The following SMCO4 variants were observed in gnomAD, a reference collection of about 807,000 sequenced individuals.
SMCO4 encodes the protein single-pass membrane protein with coiled-coil domains 4, also known as single-pass membrane and coiled-coil domain-containing protein 4.
Under a neutral mutation model 3.6 loss-of-function variants are expected in SMCO4, and 4 were observed. That is an observed-to-expected ratio of 1.11 (90% CI 0.54 to 2.53). The LOEUF is 2.53. Among genes scored for constraint, SMCO4 ranks in the 30% most tolerant of loss-of-function variants. The pLI is 0.02. For synonymous variants in SMCO4, 36 were observed against 35.3 expected, an observed-to-expected ratio of 1.02 and a Z score of -0.07; for missense variants, 70 against 80.8, an observed-to-expected ratio of 0.87 and a Z score of 0.51.
intron 1 of SMCO4, among the ~76,000 whole-genome samples, chr11:93,536,024 G>T (rs977538022): frequency 6.6e-6 from 1 of 152,046 alleles, no homozygotes; most frequent in Non-Finnish European, 1.5e-5. Context: ...GGTCTGTGCT[G>T]CATGGTTATA....
chr11:93,481,655 C>T (rs1020004136), intron 2 of SMCO4: 1 of 302,646 alleles, frequency 3.3e-6, no homozygotes, highest in African/African-American at 2.3e-5. Context: ...TGTAAATACC[C>T]CATGGCTTCT....
intron 1 of SMCO4, among the ~76,000 whole-genome samples, chr11:93,506,169 G>A (rs1160931942): frequency 6.6e-6 from 1 of 152,212 alleles, no homozygotes; most frequent in East Asian, 1.9e-4. Context: ...TCCGGGTAGA[G>A]GGGGCATGGA....
At chr11:93,530,176 G>T (rs1256122187) in intron 1 of SMCO4, among the ~76,000 whole-genome samples, 1 of 152,204 alleles carries the variant, frequency 6.6e-6, no homozygotes, top group African/African-American at 2.4e-5. Context: ...CCACCTGAAT[G>T]GCAGGCATGG....
chr11:93,489,423 T>G (rs1053240404), intron 2 of SMCO4, among the ~76,000 whole-genome samples: 2 of 152,132 alleles, frequency 1.3e-5, no homozygotes, highest in Admixed American at 1.3e-4. Flanking sequence ...GTTGGAAGTC[T>G]GAAGAGAGAG....
At chr11:93,497,915 A>C (rs1316495123) in intron 2 of SMCO4, among the ~76,000 whole-genome samples, 3 of 152,230 alleles carry the variant, frequency 2.0e-5, no homozygotes, top group Non-Finnish European at 4.4e-5. Flanking sequence ...ATGGTGACCA[A>C]TTAAACTGAT....
chr11:93,526,871 T>C (rs142443238), intron 1 of SMCO4, among the ~76,000 whole-genome samples: 146 of 152,318 alleles, frequency 9.6e-4, no homozygotes, highest in African/African-American at 3.1e-3. Flanking sequence ...TACAGACTAA[T>C]TCCCAAGTTC....
Position 93,478,906 on chromosome 11 carries a change from G to C in SMCO4, c.*104C>G. 1 of 1,461,290 alleles carries C rather than the reference G, an allele frequency of 6.8e-7. No individual in the cohort carries two copies. The highest frequency in any genetic ancestry group is 1.4e-5 in the South Asian group (1 of 72,464). The allele number at this position is 1,461,290 out of a possible 1,614,324, so 90.5% of individuals were successfully genotyped here. ...AGAAGACAGGGTGCTCCTGCTTACA[G>C]CTCAGCAACATGAACATCTCTGAAT... On this transcript the variant is annotated 3_prime_UTR_variant, in exon 3 of 3. Transcript: ENST00000298966.
rs115535709 is a variant in SMCO4 at position 93,521,024 on chromosome 11, T to A, written c.-153-21676A>T. ...ATTGCTATATTCAGTTTTAGGAAAC[T>A]GTTGTTTTTGATGAAAATACAAAGC... is the stretch of plus-strand genomic sequence containing the variant. On this transcript the variant is annotated intron_variant, in intron 1 of 2. Transcript: ENST00000298966. Among the ~76,000 whole-genome samples the A allele has an allele frequency of 2.8e-3, 433 of 152,356 alleles. 1 individual carries two copies. The highest frequency in any genetic ancestry group is 0.01 in the African/African-American group (417 of 41,582).
intron 1 of SMCO4, among the ~76,000 whole-genome samples, chr11:93,500,155 T>C (rs1948820540): frequency 6.6e-6 from 1 of 152,248 alleles, no homozygotes; most frequent in East Asian, 1.9e-4. Flanking sequence ...GCTTTTTGTT[T>C]TGTTTCAAAC....
At chr11:93,536,651 G>C (rs1022766804) in intron 1 of SMCO4, among the ~76,000 whole-genome samples, 1 of 152,202 alleles carries the variant, frequency 6.6e-6, no homozygotes, top group Non-Finnish European at 1.5e-5. Flanking sequence ...TATCTCTGAG[G>C]ACCTGGAGGA....
At chr11:93,501,323 C>G (rs1303450337) in intron 1 of SMCO4, among the ~76,000 whole-genome samples, 1 of 152,202 alleles carries the variant, frequency 6.6e-6, no homozygotes, top group Non-Finnish European at 1.5e-5. Context: ...ATATGAGTTT[C>G]CTGAGGCTGC....
intron 1 of SMCO4, among the ~76,000 whole-genome samples, chr11:93,518,089 C>CA (rs1949024298): frequency 1.3e-5 from 2 of 151,578 alleles, no homozygotes; most frequent in Non-Finnish European, 2.9e-5. Flanking sequence ...ATCCACTTGG[C>CA]AGTCGATCCA....
chr11:93,488,843 C>T (rs1357042306), intron 2 of SMCO4, among the ~76,000 whole-genome samples: 2 of 151,948 alleles, frequency 1.3e-5, no homozygotes, highest in Admixed American at 6.6e-5. Context: ...AAAGTCTAGA[C>T]CTTGGGGGAG....
At chr11:93,536,557 G>C (rs1475361964) in intron 1 of SMCO4, among the ~76,000 whole-genome samples, 1 of 152,168 alleles carries the variant, frequency 6.6e-6, no homozygotes, top group Admixed American at 6.5e-5. Context: ...TCAGATTCAT[G>C]CTTCTAAAAG....
intron 1 of SMCO4, among the ~76,000 whole-genome samples, chr11:93,519,162 G>T (rs7945684): frequency 0.15 from 22,750 of 152,130 alleles, 1,786 homozygotes; most frequent in Non-Finnish European, 0.17. Context: ...TCCTGCATCT[G>T]GTGTTTCAGC....
At chr11:93,498,224 A>C (rs1948797221) in intron 2 of SMCO4, among the ~76,000 whole-genome samples, 1 of 152,240 alleles carries the variant, frequency 6.6e-6, no homozygotes, top group African/African-American at 2.4e-5. Flanking sequence ...GCTATGATGC[A>C]TAAACTCATA....
intron 1 of SMCO4, chr11:93,537,730 A>G (rs780889669): frequency 2.6e-5 from 4 of 151,666 alleles, no homozygotes; most frequent in Non-Finnish European, 5.9e-5. Flanking sequence ...ACAACTGGAC[A>G]CTCTAGGGGA....
At chr11:93,522,400 G>A (rs926815950) in intron 1 of SMCO4, among the ~76,000 whole-genome samples, 2 of 152,168 alleles carry the variant, frequency 1.3e-5, no homozygotes, top group African/African-American at 2.4e-5. Context: ...TCAGCAGAGG[G>A]GCTGTGGGCA....
At chr11:93,490,663 G>A (rs1948704295) in intron 2 of SMCO4, among the ~76,000 whole-genome samples, 2 of 152,296 alleles carry the variant, frequency 1.3e-5, no homozygotes, top group South Asian at 4.1e-4. Flanking sequence ...TGGTTAAATG[G>A]CCCAGGTGAG....
Sources: allele counts gnomAD v4.1 joint callset (sites outside exome capture counted in the v4.1 genomes callset), GRCh38; gene constraint gnomAD v4.1.1; transcripts MANE v1.5; gene names NCBI Gene and HGNC (gene_info 2026-07-23, HGNC 2026-07-21).